Variants in SPRED2 observed in about 807,000 individuals in gnomAD.
The protein encoded by SPRED2 is sprouty-related, EVH1 domain-containing protein 2.
In SPRED2, 47 loss-of-function variants were observed where a neutral mutation model predicts 43.0. That is an observed-to-expected ratio of 1.09 (90% CI 0.87 to 1.40). The LOEUF (loss-of-function observed/expected upper bound fraction) is 1.40, where lower values mean the gene tolerates loss of function less well. SPRED2 is among the 40% of genes most tolerant of loss of function. SPRED2 has a pLI of 0.00. For missense variants in SPRED2, 561 were observed against 586.4 expected, an observed-to-expected ratio of 0.96 and a Z score of 0.45; for synonymous variants, 225 against 225.7, an observed-to-expected ratio of 1.00 and a Z score of 0.03.
At chr2:65,336,732 A>G (rs1673977822) in intron 2 of SPRED2, among the ~76,000 whole-genome samples, 1 of 152,246 alleles carries the variant, frequency 6.6e-6, no homozygotes, top group South Asian at 2.1e-4. Flanking sequence ...TAGTTTCTCC[A>G]TATTTTGGGG....
intron 4 of SPRED2, among the ~76,000 whole-genome samples, chr2:65,326,952 C>CA (rs1237886865): frequency 7.2e-5 from 11 of 152,038 alleles, no homozygotes; most frequent in Admixed American, 6.5e-4. Flanking sequence ...GAGATCCTCC[C>CA]ACCTCAGCCT....
intron 1 of SPRED2, among the ~76,000 whole-genome samples, chr2:65,369,556 C>A (rs1253825435): frequency 1.3e-5 from 2 of 152,202 alleles, no homozygotes; most frequent in Admixed American, 1.3e-4. Context: ...TGGTTCCTAC[C>A]ATCTTTAACA....
intron 1 of SPRED2, among the ~76,000 whole-genome samples, chr2:65,392,911 G>A (rs1415495651): frequency 6.6e-6 from 1 of 152,184 alleles, no homozygotes; most frequent in Non-Finnish European, 1.5e-5. Flanking sequence ...GGCAGCACAT[G>A]GACCAGCACG....
chr2:65,391,438 A>C (rs779554841), intron 1 of SPRED2, among the ~76,000 whole-genome samples: 5 of 152,228 alleles, frequency 3.3e-5, no homozygotes, highest in African/African-American at 7.2e-5. Context: ...CGTTTTAGGC[A>C]AACTTTAGGC....
rs762207813 is a variant in SPRED2, at chr2:65,311,839, A to G, written c.*1662T>C. On this transcript the variant is annotated 3_prime_UTR_variant, in exon 6 of 6. Coordinates refer to ENST00000356388, the MANE Select transcript of SPRED2 (RefSeq NM_181784.3). The stretch of plus-strand genomic sequence containing the variant: ...TGGAAACAGCCCCATGAAGGTGAGC[A>G]CAGCTAGCACTTTCCCAATATGATT... The G allele has an allele frequency of 1.0e-6, 1 of 985,478 alleles. No individual in the cohort carries two copies. The highest frequency in any genetic ancestry group is 1.2e-6 in the Non-Finnish European group (1 of 829,948). The allele number at this position is 985,478 out of a possible 1,614,324, so 61.0% of individuals were successfully genotyped here.
At position 65,313,959 on chromosome 2, in the gene SPRED2, G is replaced by A; in HGVS notation, c.799C>T (p.Pro267Ser). 1 of 1,612,468 alleles carries A rather than the reference G, an allele frequency of 6.2e-7. No individual in the cohort carries two copies. Among genetic ancestry groups the A allele is most frequent in the Non-Finnish European group, 8.5e-7 (1 of 1,180,026 alleles). The change falls in exon 6 of 6, where the codon CCC becomes TCC. Residue 267 changes from proline to serine, a missense_variant. Transcript: ENST00000356388. Reference sequence around the variant, plus strand: ...CCAAAGTCTGAGGAGTCCACGTAGGGGTAGTTGTAGTCATGCTTGGGGACC... The same window carrying A: ...CCAAAGTCTGAGGAGTCCACGTAGGAGTAGTTGTAGTCATGCTTGGGGACC... ...GEVPKHDYNY[P>S]YVDSSDFGLG...
intron 1 of SPRED2, among the ~76,000 whole-genome samples, chr2:65,422,473 G>A (rs929709179): frequency 5.3e-5 from 8 of 152,198 alleles, no homozygotes; most frequent in Non-Finnish European, 1.2e-4. Context: ...CTCTGGTATT[G>A]TATGGCAGGC....
intron 1 of SPRED2, among the ~76,000 whole-genome samples, chr2:65,372,368 C>T (rs763203003): frequency 1.3e-5 from 2 of 152,050 alleles, no homozygotes; most frequent in Non-Finnish European, 2.9e-5. Flanking sequence ...AGGAAGAATC[C>T]AAAATACATT....
At chr2:65,319,319 T>C (rs1170685666) in intron 4 of SPRED2, among the ~76,000 whole-genome samples, 2 of 152,174 alleles carry the variant, frequency 1.3e-5, no homozygotes, top group African/African-American at 2.4e-5. Flanking sequence ...AGAGAGACTT[T>C]TGACAGAGCG....
intron 1 of SPRED2, among the ~76,000 whole-genome samples, chr2:65,426,826 T>C (rs1572909449): frequency 6.6e-6 from 1 of 152,202 alleles, no homozygotes; most frequent in South Asian, 2.1e-4. Context: ...TTTGTATATA[T>C]TGTACTGGAT....
intron 1 of SPRED2, among the ~76,000 whole-genome samples, chr2:65,415,933 T>A (rs1306928735): frequency 6.6e-6 from 1 of 152,140 alleles, no homozygotes. Context: ...CTAATACGAA[T>A]GTGTGTCACC....
intron 2 of SPRED2, among the ~76,000 whole-genome samples, chr2:65,341,456 C>T (rs574786510): frequency 1.3e-5 from 2 of 152,090 alleles, no homozygotes; most frequent in African/African-American, 2.4e-5. Context: ...TCAGCGGGGG[C>T]GGACAGAGGA....
At chr2:65,376,791 T>C (rs910434485) in intron 1 of SPRED2, among the ~76,000 whole-genome samples, 5 of 152,304 alleles carry the variant, frequency 3.3e-5, no homozygotes, top group African/African-American at 9.6e-5. Flanking sequence ...CTCGGCTCAC[T>C]GCAAGCTCTG....
At chr2:65,369,523 A>G (rs906577) in intron 1 of SPRED2, among the ~76,000 whole-genome samples, 49,214 of 152,196 alleles carry the variant, frequency 0.32, 9,771 homozygotes, top group East Asian at 0.78. Flanking sequence ...TTTACTCATT[A>G]TAACAACAAA....
rs2104094611 is a variant in SPRED2, at chr2:65,312,091, T to C, written c.*1410A>G. 1 of 985,458 alleles carries C rather than the reference T, an allele frequency of 1.0e-6. No homozygotes were observed. The highest frequency in any genetic ancestry group is 1.2e-6 in the Non-Finnish European group (1 of 829,942). 61.0% of individuals were successfully genotyped at this position (985,458 alleles called of 1,614,324 possible). Reference sequence around the variant, plus strand: ...GGTAACCACTCTTCACTTTTCTTCTTTCTTCAATAAGAAGATTTGGCTAAT... The same window carrying C: ...GGTAACCACTCTTCACTTTTCTTCTCTCTTCAATAAGAAGATTTGGCTAAT... On this transcript the variant is annotated 3_prime_UTR_variant, in exon 6 of 6. Transcript: ENST00000356388.
intron 1 of SPRED2, among the ~76,000 whole-genome samples, chr2:65,360,370 C>T (rs1383148738): frequency 6.6e-6 from 1 of 152,218 alleles, no homozygotes; most frequent in African/African-American, 2.4e-5. Context: ...TGCCGCACAC[C>T]CAGCAGTGAG....
At chr2:65,360,064 CA>C (rs1243375319) in intron 1 of SPRED2, among the ~76,000 whole-genome samples, 160 of 43,184 alleles carry the variant, frequency 3.7e-3, no homozygotes, top group African/African-American at 7.4e-3. Flanking sequence ...GACTCCATCT[CA>C]AAAAAAAAAA....
Position 65,312,527 on chromosome 2 carries a change from C to T in SPRED2, c.*974G>A. 5 of 985,440 alleles carry T rather than the reference C, an allele frequency of 5.1e-6. No homozygotes were observed. The highest frequency in any genetic ancestry group is 6.0e-6 in the Non-Finnish European group (5 of 829,920). The allele number at this position is 985,440 out of a possible 1,614,324, so 61.0% of individuals were successfully genotyped here. On this transcript the variant is annotated 3_prime_UTR_variant, in exon 6 of 6. Coordinates refer to ENST00000356388, the MANE Select transcript of SPRED2 (RefSeq NM_181784.3). ...CTCAACTGGAACTTGTTCGTGGGAACACTGATTTGTGTTTGAGGAAACTAT... is the reference window on the plus strand; with the variant it reads ...CTCAACTGGAACTTGTTCGTGGGAATACTGATTTGTGTTTGAGGAAACTAT...
Position 65,420,330 on chromosome 2 carries a change from G to A in SPRED2, c.26+11632C>T, listed in dbSNP as rs541488121. 2.0e-5 allele frequency among the ~76,000 whole-genome samples: 3 copies of A among 152,056 alleles called. No individual in the cohort carries two copies. The South Asian group carries it at 6.2e-4, about 32-fold the overall frequency. On this transcript the variant is annotated intron_variant, in intron 1 of 5. Coordinates refer to ENST00000356388, the MANE Select transcript of SPRED2 (RefSeq NM_181784.3). ...CACCTCCGTGTTGGAGTTATTGACA[G>A]CACAGGCCTTCGTATTTTTAGTACC...
Sources: allele counts gnomAD v4.1 joint callset (sites outside exome capture counted in the v4.1 genomes callset), GRCh38; gene constraint gnomAD v4.1.1; transcripts MANE v1.5; gene names NCBI Gene and HGNC (gene_info 2026-07-23, HGNC 2026-07-21).